The following TBC1D16 variants were observed in gnomAD, a reference collection of about 807,000 sequenced individuals.
TBC1D16 encodes CTD-2529O21.1.
Under a neutral mutation model 74.7 loss-of-function variants are expected in TBC1D16, and 58 were observed. The ratio of observed to expected loss-of-function variants is 0.78; its 90% CI spans 0.63 to 0.97. The LOEUF (loss-of-function observed/expected upper bound fraction) is 0.97, where lower values mean the gene tolerates loss of function less well. Ranked by LOEUF, TBC1D16 falls within the 50% of genes least tolerant of loss-of-function variation. TBC1D16 has a pLI of 0.00. For missense variants in TBC1D16, 1,014 were observed against 1,079.5 expected (o/e 0.94, Z 0.85); for synonymous variants, 493 against 474.7 (o/e 1.04, Z -0.50).
At chr17:80,033,443 G>A (rs539056078) in intron 1 of TBC1D16, among the ~76,000 whole-genome samples, 1 of 151,456 alleles carries the variant, frequency 6.6e-6, no homozygotes, top group Non-Finnish European at 1.5e-5. Context: ...GCTGGTCATG[G>A]CTCACTGCAG....
chr17:79,972,253 T>C (rs1311786282), intron 3 of TBC1D16, among the ~76,000 whole-genome samples: 1 of 152,210 alleles, frequency 6.6e-6, no homozygotes, highest in Admixed American at 6.5e-5. Flanking sequence ...CTTGGCTCAC[T>C]GCAACCTCCG....
At chr17:80,011,207 A>ATTT (rs34838808) in intron 2 of TBC1D16, among the ~76,000 whole-genome samples, 4 of 131,630 alleles carry the variant, frequency 3.0e-5, no homozygotes, top group African/African-American at 5.6e-5. Flanking sequence ...CACCCAGCTA[A>ATTT]TTTTTTTTTT....
chr17:79,984,668 A>G (rs755933257), intron 3 of TBC1D16, among the ~76,000 whole-genome samples: 8 of 128,536 alleles, frequency 6.2e-5, no homozygotes, highest in Admixed American at 3.1e-4. Flanking sequence ...AAAGGAGACA[A>G]ACAAAAGCCC....
In TBC1D16 at chr17:80,005,142, C is replaced by T. The variant is rs528874185; in HGVS notation, c.779+5018G>A. Among the ~76,000 whole-genome samples, 8 of 152,284 alleles carry T rather than the reference C, an allele frequency of 5.3e-5. No individual in the cohort carries two copies. The South Asian group carries it at 1.2e-3, about 24-fold the overall frequency. On this transcript the variant is annotated intron_variant, in intron 3 of 11. Transcript: ENST00000310924. ...TCACCCAGGCTTGAGTGCACTGGTG[C>T]GATCATGGCTCACTGCAGCCTCCAC...
rs929635440 is a variant in TBC1D16, at chr17:80,000,698, G to C, written c.779+9462C>G. Among the ~76,000 whole-genome samples the C allele has an allele frequency of 1.3e-5, 2 of 152,188 alleles. No individual in the cohort carries two copies. The highest frequency in any genetic ancestry group is 4.8e-5 in the African/African-American group (2 of 41,446). Reference sequence around the variant, plus strand: ...GATGACTGTCTATCTGCCCTGTACTGAGCCCTCTGTGCAGAGCTTTACACG... The same window carrying C: ...GATGACTGTCTATCTGCCCTGTACTCAGCCCTCTGTGCAGAGCTTTACACG... On this transcript the variant is annotated intron_variant, in intron 3 of 11. Transcript: ENST00000310924. This position sits in a 1 kb window ranked among gnomAD's most constrained non-coding sequence, Gnocchi z 4.1.
At position 79,994,810 on chromosome 17, in the gene TBC1D16, C is replaced by T. The variant is rs2035205423; in HGVS notation, c.779+15350G>A. Among the ~76,000 whole-genome samples the T allele has an allele frequency of 6.6e-6, 1 of 152,206 alleles. No individual in the cohort carries two copies. Among genetic ancestry groups the T allele is most frequent in the Non-Finnish European group, 1.5e-5 (1 of 68,048 alleles). ...TGACCCCAAGCCACATGTGGCATCACACTTGAGACGTGGTCTAGGTGTAAA... is the reference window on the plus strand; with the variant it reads ...TGACCCCAAGCCACATGTGGCATCATACTTGAGACGTGGTCTAGGTGTAAA... On this transcript the variant is annotated intron_variant, in intron 3 of 11. Coordinates refer to ENST00000310924, the MANE Select transcript of TBC1D16 (RefSeq NM_019020.4). This position sits in a 1 kb window ranked among gnomAD's most constrained non-coding sequence, Gnocchi z 4.6.
In TBC1D16 at chr17:80,021,492, T is replaced by C. The variant is rs539317154; in HGVS notation, c.-62-7883A>G. Among the ~76,000 whole-genome samples the C allele has an allele frequency of 2.2e-3, 334 of 149,882 alleles. 38 individuals are homozygous for C. Among genetic ancestry groups the C allele is most frequent in the African/African-American group, 7.9e-3 (311 of 39,296 alleles). ...TTGTGTTCACTTGTGAATTATCTGT[T>C]GGTGTGCTTTGACAATTTTTCTGCT... On this transcript the variant is annotated intron_variant, in intron 1 of 11. Coordinates refer to ENST00000310924, the MANE Select transcript of TBC1D16 (RefSeq NM_019020.4).
intron 1 of TBC1D16, among the ~76,000 whole-genome samples, chr17:80,034,167 T>C (rs1002675141): frequency 9.2e-5 from 14 of 152,084 alleles, no homozygotes; most frequent in Admixed American, 2.6e-4. Context: ...GCTAGAGGAT[T>C]AAATAATTCC....
chr17:79,949,127 G>T, intron 7 of TBC1D16, 121 bp from the exon 8 acceptor site: 1 of 1,282,848 alleles, frequency 7.8e-7, no homozygotes. Context: ...GGAGCTGGGC[G>T]GCTGCTGCCG....
At chr17:80,012,498 C>G (rs2035932149) in intron 2 of TBC1D16, among the ~76,000 whole-genome samples, 1 of 152,004 alleles carries the variant, frequency 6.6e-6, no homozygotes, top group Non-Finnish European at 1.5e-5. Context: ...AAACTTTTGT[C>G]TTGTTTAAAA....
chr17:80,019,437 C>CA (rs1170707803), intron 1 of TBC1D16, among the ~76,000 whole-genome samples: 2 of 82,392 alleles, frequency 2.4e-5, no homozygotes, highest in African/African-American at 4.6e-5. Context: ...GACACCAGGA[C>CA]AACCCCCCCC....
intron 1 of TBC1D16, among the ~76,000 whole-genome samples, chr17:80,026,993 C>T (rs1405956038): frequency 7.2e-6 from 1 of 138,288 alleles, no homozygotes; most frequent in East Asian, 2.0e-4. Flanking sequence ...AATGAGTGAA[C>T]ACTGGAAAGG....
intron 1 of TBC1D16, among the ~76,000 whole-genome samples, chr17:80,032,087 T>C (rs1032956766): frequency 1.3e-5 from 2 of 152,226 alleles, no homozygotes; most frequent in Non-Finnish European, 2.9e-5. Context: ...TGATGAACTA[T>C]ATTGGAGCAT....
At chr17:79,947,545 G>C in intron 9 of TBC1D16, 100 bp downstream of exon 9, 10 of 1,358,518 alleles carry the variant, frequency 7.4e-6, no homozygotes, top group Non-Finnish European at 1.0e-5. Context: ...CTGACCTACA[G>C]CAGCCAAGCC....
chr17:79,948,415 T>C (rs1442441096), intron 8 of TBC1D16, among the ~76,000 whole-genome samples: 3 of 150,548 alleles, frequency 2.0e-5, no homozygotes, highest in African/African-American at 4.9e-5. Flanking sequence ...TTCTGAAGGG[T>C]GGACTGCCTG....
At position 79,947,588 on chromosome 17, in the gene TBC1D16, G is replaced by A. The variant is rs549476459; in HGVS notation, c.1728+57C>T. On this transcript the variant is annotated intron_variant, in intron 9 of 11. Transcript: ENST00000310924. Reference sequence around the variant, plus strand: ...ACCACGGCAACCCCGGCTACAACGGGAGAGGCAACACGGGCCCTCACATGC... The same window carrying A: ...ACCACGGCAACCCCGGCTACAACGGAAGAGGCAACACGGGCCCTCACATGC... The A allele has an allele frequency of 1.9e-4, 306 of 1,582,830 alleles. No homozygotes were observed. The African/African-American group carries it at 3.7e-3, about 19-fold the overall frequency.
chr17:79,989,086 C>T (rs1390533783), intron 3 of TBC1D16, among the ~76,000 whole-genome samples: 1 of 152,242 alleles, frequency 6.6e-6, no homozygotes, highest in Non-Finnish European at 1.5e-5. Context: ...AACTCCCAAA[C>T]ACCTGTCAAT....
chr17:80,034,238 AT>A (rs2036871204), intron 1 of TBC1D16, among the ~76,000 whole-genome samples: 1 of 126,670 alleles, frequency 7.9e-6, no homozygotes, highest in Non-Finnish European at 1.6e-5. Context: ...ATGTTGCTCT[AT>A]CACCCGGGCT....
chr17:79,994,961 T>C lies in TBC1D16; in HGVS notation c.779+15199A>G, dbSNP rs1355763571. Among the ~76,000 whole-genome samples, 3 of 152,218 alleles carry C rather than the reference T, an allele frequency of 2.0e-5. No homozygotes were observed. Among genetic ancestry groups the C allele is most frequent in the African/African-American group, 7.2e-5 (3 of 41,464 alleles). On this transcript the variant is annotated intron_variant, in intron 3 of 11. Coordinates refer to ENST00000310924, the MANE Select transcript of TBC1D16 (RefSeq NM_019020.4). This position sits in a 1 kb window ranked among gnomAD's most constrained non-coding sequence, Gnocchi z 4.6. Reference sequence around the variant, plus strand: ...GAACAAGCTGGGTAATTTACAAAAATTTTCACCTTTTTGTTTGTTTTCTTT... The same window carrying C: ...GAACAAGCTGGGTAATTTACAAAAACTTTCACCTTTTTGTTTGTTTTCTTT...
Sources: gnomAD v4.1 joint callset for allele counts (sites outside exome capture counted in the v4.1 genomes callset) on GRCh38, gnomAD v4.1.1 for gene constraint, Gnocchi (gnomAD v3.1) non-coding constraint, MANE v1.5 for transcripts, NCBI Gene and HGNC (gene_info 2026-07-23, HGNC 2026-07-21) for gene names.